Variants in MYO5A observed in about 807,000 individuals in gnomAD.
The protein encoded by MYO5A is unconventional myosin-Va.
Under a neutral mutation model 249.7 loss-of-function variants are expected in MYO5A, and 98 were observed. The observed-to-expected ratio is 0.39, with a 90% CI of 0.33 to 0.46. The LOEUF (loss-of-function observed/expected upper bound fraction) is 0.46, where lower values mean the gene tolerates loss of function less well. MYO5A is among the 20% of genes least tolerant of loss of function. MYO5A has a pLI of 0.98. For missense variants in MYO5A, 1,696 were observed against 2,308.8 expected (o/e 0.73, Z 5.44); for synonymous variants, 778 against 810.6 (o/e 0.96, Z 0.68).
chr15:52,370,089 T>C (rs993947588), intron 22 of MYO5A, 80 bp downstream of exon 22: 2 of 1,565,300 alleles, frequency 1.3e-6, no homozygotes, highest in Non-Finnish European at 1.8e-6. Context: ...AAACCAACAG[T>C]GAGTCACACG....
intron 9 of MYO5A, among the ~76,000 whole-genome samples, chr15:52,401,441 A>G (rs1444210024): frequency 6.6e-6 from 1 of 152,210 alleles, no homozygotes; most frequent in Non-Finnish European, 1.5e-5. Flanking sequence ...TTAACGGGAT[A>G]TATAATTCTA....
chr15:52,388,384 A>G (rs1357785448), intron 13 of MYO5A, among the ~76,000 whole-genome samples: 4 of 152,326 alleles, frequency 2.6e-5, no homozygotes, highest in African/African-American at 7.2e-5. Context: ...CTGGGGAAAT[A>G]TTGTATGATT....
intron 5 of MYO5A, among the ~76,000 whole-genome samples, chr15:52,413,553 C>G (rs150473831): frequency 6.6e-6 from 1 of 152,146 alleles, no homozygotes. Context: ...TTCAGCAGAT[C>G]ACTGGAGACG....
chr15:52,372,388 A>G, intron 20 of MYO5A, 25 bp from the exon 21 acceptor site: 1 of 1,598,992 alleles, frequency 6.3e-7, no homozygotes, highest in Admixed American at 1.7e-5. Flanking sequence ...AAGGGCAAGC[A>G]ATGTCAAGAC....
At chr15:52,349,473 C>A (rs1250578865) in intron 28 of MYO5A, among the ~76,000 whole-genome samples, 1 of 152,106 alleles carries the variant, frequency 6.6e-6, no homozygotes, top group African/African-American at 2.4e-5. Context: ...TTAGGTACCT[C>A]AGTTGGACCG....
intron 3 of MYO5A, among the ~76,000 whole-genome samples, chr15:52,427,654 G>T (rs1449547913): frequency 6.6e-6 from 1 of 152,166 alleles, no homozygotes; most frequent in African/African-American, 2.4e-5. Context: ...GGAGAGTAAT[G>T]AAGAAATCAT....
At chr15:52,459,727 C>T (rs1363498475) in intron 1 of MYO5A, among the ~76,000 whole-genome samples, 1 of 151,638 alleles carries the variant, frequency 6.6e-6, no homozygotes, top group African/African-American at 2.4e-5. Context: ...GGGCTCCTCA[C>T]TTCCCAAAAG....
At chr15:52,436,297 C>G (rs1485913966) in intron 1 of MYO5A, among the ~76,000 whole-genome samples, 1 of 152,218 alleles carries the variant, frequency 6.6e-6, no homozygotes, top group Non-Finnish European at 1.5e-5. Context: ...CTGTCCTTTC[C>G]TTCCCCTGCC....
chr15:52,506,179 G>A (rs2077267116), intron 1 of MYO5A, among the ~76,000 whole-genome samples: 1 of 151,914 alleles, frequency 6.6e-6, no homozygotes, highest in Non-Finnish European at 1.5e-5. Flanking sequence ...GTGAAACCCC[G>A]TCTCTACTAA....
At chr15:52,404,267 C>CAA (rs61505096) in intron 9 of MYO5A, among the ~76,000 whole-genome samples, 13 of 87,560 alleles carry the variant, frequency 1.5e-4, no homozygotes, top group African/African-American at 4.9e-4. Context: ...AACTCCGTCT[C>CAA]AAAAAAAAAA....
rs1027175164 is a variant in MYO5A, at chr15:52,336,363, T to G, written c.4408+100A>C. 6.6e-6 allele frequency: 5 copies of G among 753,500 alleles called. No homozygotes were observed. In the Admixed American group the frequency reaches 1.1e-4, roughly 17 times the overall value. The allele number at this position is 753,500 out of a possible 1,614,324, so 46.7% of individuals were successfully genotyped here. A position where few individuals can be genotyped will look rare whatever the true frequency, so the allele number is the denominator to read the frequency against. ...TCATATTTTGTTATTATCCCTAATA[T>G]TTGCATGCAAACCTCTATTAGGCCA... On this transcript the variant is annotated intron_variant, in intron 34 of 41. Transcript: ENST00000399233.
chr15:52,474,457 G>C (rs1301123223), intron 1 of MYO5A, among the ~76,000 whole-genome samples: 1 of 152,144 alleles, frequency 6.6e-6, no homozygotes, highest in East Asian at 1.9e-4. Flanking sequence ...GGGCATCCCT[G>C]TCTTGTGCCA....
In MYO5A at chr15:52,409,872, G is replaced by A. The variant is rs141098679; in HGVS notation, c.756+461C>T. Among the ~76,000 whole-genome samples, 67 of 152,100 alleles carry A rather than the reference G, an allele frequency of 4.4e-4. 1 individual carries two copies. The East Asian group carries it at 7.0e-3, about 16-fold the overall frequency. On this transcript the variant is annotated intron_variant, in intron 6 of 41. Transcript: ENST00000399233. ...GTTTTTTTGATAGTAGTTCACAATT[G>A]GGTTGTGAAGATTTTTTTTTAACCC...
chr15:52,375,132 G>A (rs955105465), intron 20 of MYO5A, among the ~76,000 whole-genome samples, 172 bp downstream of exon 20: 6 of 152,034 alleles, frequency 3.9e-5, no homozygotes, highest in Admixed American at 2.0e-4. Context: ...GTGACAGAGC[G>A]AGATCCTATT....
At chr15:52,431,563 A>G (rs993801603) in intron 2 of MYO5A, among the ~76,000 whole-genome samples, 1 of 152,020 alleles carries the variant, frequency 6.6e-6, no homozygotes, top group Non-Finnish European at 1.5e-5. Context: ...CTCAATAGCA[A>G]TGAGCACACC....
chr15:52,334,529 T>C (rs2039029350), intron 34 of MYO5A, among the ~76,000 whole-genome samples: 1 of 152,210 alleles, frequency 6.6e-6, no homozygotes, highest in Non-Finnish European at 1.5e-5. Flanking sequence ...GGATTATATA[T>C]AAAGTGTGAC....
intron 1 of MYO5A, chr15:52,437,925 T>G (rs1246157653): frequency 5.1e-6 from 3 of 582,620 alleles, no homozygotes; most frequent in African/African-American, 2.0e-5. Flanking sequence ...GCAAGATATT[T>G]AAACACTGAA....
chr15:52,381,773 C>CTT lies in MYO5A; in HGVS notation c.2012+1317_2012+1318insAA, dbSNP rs2041749185. 8.8e-5 allele frequency among the ~76,000 whole-genome samples: 8 copies of CTT among 90,490 alleles called. No homozygotes were observed. The Admixed American group carries it at 1.1e-3, about 12-fold the overall frequency. 59.4% of individuals were successfully genotyped at this position (90,490 alleles called of 152,430 possible). On this transcript the variant is annotated intron_variant, in intron 16 of 41. Transcript: ENST00000399233. The stretch of plus-strand genomic sequence containing the variant: ...GGCCCCTCCTTTTGTGTCTCTCTCT[C>CTT]TCTCTCTCTCACACACACACACACA...
At chr15:52,510,096 T>G (rs559489900) in intron 1 of MYO5A, among the ~76,000 whole-genome samples, 1 of 112,026 alleles carries the variant, frequency 8.9e-6, no homozygotes, top group East Asian at 2.7e-4. Flanking sequence ...TTAAGCGGAC[T>G]AAAATGAAAA....
Sources: allele counts gnomAD v4.1 joint callset (sites outside exome capture counted in the v4.1 genomes callset), GRCh38; gene constraint gnomAD v4.1.1; transcripts MANE v1.5; gene names NCBI Gene and HGNC (gene_info 2026-07-23, HGNC 2026-07-21).